Variants in RSU1 observed in about 807,000 individuals in gnomAD.
RSU1 encodes the protein Ras suppressor protein 1.
In RSU1, 26 loss-of-function variants were observed where a neutral mutation model predicts 31.1. That is an observed-to-expected ratio of 0.84 (90% CI 0.61 to 1.16). The LOEUF is 1.16. Ranked by LOEUF, RSU1 falls within the 50% of genes most tolerant of loss-of-function variation. RSU1 has a pLI of 0.00. For synonymous variants in RSU1, 164 were observed against 136.3 expected (o/e 1.20, Z -1.41); for missense variants, 320 against 339.1 (o/e 0.94, Z 0.44).
At chr10:16,655,730 C>T (rs1411477515) in intron 8 of RSU1, among the ~76,000 whole-genome samples, 1 of 152,170 alleles carries the variant, frequency 6.6e-6, no homozygotes, top group African/African-American at 2.4e-5. Context: ...ATTTTTCCAA[C>T]AGTAGGTGTT....
chr10:16,815,337 A>G (rs1277153958), intron 2 of RSU1, among the ~76,000 whole-genome samples: 1 of 152,168 alleles, frequency 6.6e-6, no homozygotes, highest in Non-Finnish European at 1.5e-5. Context: ...CTGCCAAGAC[A>G]TATCAATAGC....
At chr10:16,631,801 G>C (rs1158419031) in intron 8 of RSU1, among the ~76,000 whole-genome samples, 1 of 152,144 alleles carries the variant, frequency 6.6e-6, no homozygotes. Flanking sequence ...CACACCTCTT[G>C]TTCCCATTCT....
At chr10:16,676,694 C>T (rs761430897) in intron 8 of RSU1, among the ~76,000 whole-genome samples, 5 of 152,168 alleles carry the variant, frequency 3.3e-5, no homozygotes, top group African/African-American at 9.7e-5. Flanking sequence ...TTGAGTGTCA[C>T]GTCAGCACTC....
chr10:16,759,156 T>C (rs529426776), intron 4 of RSU1, among the ~76,000 whole-genome samples: 1 of 152,204 alleles, frequency 6.6e-6, no homozygotes, highest in African/African-American at 2.4e-5. Flanking sequence ...AAGGCACTAA[T>C]TTTTCTCACC....
chr10:16,640,559 T>C (rs961679933), intron 8 of RSU1, among the ~76,000 whole-genome samples: 1 of 152,236 alleles, frequency 6.6e-6, no homozygotes, highest in African/African-American at 2.4e-5. Flanking sequence ...AGCCCCTGCT[T>C]GCATTCTGAC....
chr10:16,798,465 T>C (rs971680743), intron 2 of RSU1, among the ~76,000 whole-genome samples: 1 of 152,062 alleles, frequency 6.6e-6, no homozygotes, highest in African/African-American at 2.4e-5. Flanking sequence ...GTTCCCCCGA[T>C]AGTGAGTTCT....
chr10:16,643,432 T>G (rs1198303246), intron 8 of RSU1, among the ~76,000 whole-genome samples: 2 of 152,210 alleles, frequency 1.3e-5, no homozygotes, highest in Non-Finnish European at 2.9e-5. Flanking sequence ...TTATTTATAA[T>G]AATGAATGCA....
At chr10:16,635,343 CT>C (rs778890258) in intron 8 of RSU1, among the ~76,000 whole-genome samples, 12 of 152,112 alleles carry the variant, frequency 7.9e-5, no homozygotes, top group Non-Finnish European at 1.3e-4. Flanking sequence ...ATATCCTTTC[CT>C]CTCTCTGCAA....
rs80062827 is a variant in RSU1 at position 16,657,052 on chromosome 10, A to G, written c.731+37971T>C. Among the ~76,000 whole-genome samples the G allele has an allele frequency of 3.6e-3, 547 of 152,290 alleles. 5 individuals carry two copies. In the Middle Eastern group the frequency reaches 0.041, roughly 11 times the overall value. ...AAAACTGGTTCTTTATTCCGCAGAG[A>G]TTTTCCTGTCAGTGTAACAAGCTGA... On this transcript the variant is annotated intron_variant, in intron 8 of 8. Coordinates refer to ENST00000345264, the MANE Select transcript of RSU1 (RefSeq NM_012425.4).
chr10:16,665,668 T>TA (rs1834975481), intron 8 of RSU1, among the ~76,000 whole-genome samples: 1 of 152,178 alleles, frequency 6.6e-6, no homozygotes, highest in African/African-American at 2.4e-5. Flanking sequence ...ATTTATTCCT[T>TA]AAAAAAACTG....
intron 7 of RSU1, among the ~76,000 whole-genome samples, chr10:16,715,667 A>G (rs1199790461): frequency 1.3e-5 from 2 of 152,220 alleles, no homozygotes; most frequent in African/African-American, 2.4e-5. Flanking sequence ...TGGTCAATAT[A>G]TCTGCCTTTA....
At chr10:16,815,134 C>G (rs812426) in intron 2 of RSU1, among the ~76,000 whole-genome samples, 91,807 of 152,136 alleles carry the variant, frequency 0.6, 29,402 homozygotes, top group African/African-American at 0.82. Context: ...GCCGGGCAGG[C>G]GCAGCAAGGG....
chr10:16,726,455 C>A (rs146475739), intron 7 of RSU1, among the ~76,000 whole-genome samples: 1 of 151,770 alleles, frequency 6.6e-6, no homozygotes, highest in Non-Finnish European at 1.5e-5. Flanking sequence ...TTAGTAGAGA[C>A]GGGGTTTTAC....
chr10:16,764,330 T>A lies in RSU1; in HGVS notation c.281+60A>T. On this transcript the variant is annotated intron_variant, in intron 4 of 8. Transcript: ENST00000345264. ...ATAAAAGGAATCCCTCCCCTGGCCT[T>A]ACCCGGCATGCCCCTTCCACTCTCT... The A allele has an allele frequency of 2.0e-6, 3 of 1,505,354 alleles. No homozygotes were observed. In the East Asian group the frequency reaches 7.1e-5, roughly 36 times the overall value. The allele number at this position is 1,505,354 out of a possible 1,614,324, so 93.2% of individuals were successfully genotyped here.
chr10:16,596,274 G>A (rs572916363), intron 8 of RSU1, among the ~76,000 whole-genome samples: 65 of 152,302 alleles, frequency 4.3e-4, no homozygotes, highest in African/African-American at 1.2e-3. Context: ...GGACCACCCT[G>A]CATTAGCCAT....
chr10:16,723,513 G>C (rs759595341), intron 7 of RSU1, among the ~76,000 whole-genome samples: 2 of 152,172 alleles, frequency 1.3e-5, no homozygotes, highest in Non-Finnish European at 2.9e-5. Flanking sequence ...GATGCTTTTT[G>C]ATGATGAATG....
intron 8 of RSU1, among the ~76,000 whole-genome samples, chr10:16,641,349 G>T (rs908259831): frequency 6.6e-6 from 1 of 151,988 alleles, no homozygotes; most frequent in Admixed American, 6.6e-5. Context: ...AAAATTAACC[G>T]GGCGTGGTGA....
At chr10:16,637,746 T>C (rs1327254238) in intron 8 of RSU1, among the ~76,000 whole-genome samples, 1 of 151,354 alleles carries the variant, frequency 6.6e-6, no homozygotes, top group South Asian at 2.1e-4. Flanking sequence ...ACATGACTAG[T>C]AAAGCCACTT....
rs553371681 is a variant in RSU1, at chr10:16,686,255, G to C, written c.731+8768C>G. Among the ~76,000 whole-genome samples the C allele has an allele frequency of 2.6e-5, 4 of 152,276 alleles. No individual in the cohort carries two copies. The East Asian group carries it at 7.7e-4, about 29-fold the overall frequency. On this transcript the variant is annotated intron_variant, in intron 8 of 8. Coordinates refer to ENST00000345264, the MANE Select transcript of RSU1 (RefSeq NM_012425.4). ...TTAGAAACCACAAACAGTTTTGTTTGATTATAAAAGCGCCACTTTTAAATT... is the reference window on the plus strand; with the variant it reads ...TTAGAAACCACAAACAGTTTTGTTTCATTATAAAAGCGCCACTTTTAAATT...
Sources: gnomAD v4.1 joint callset for allele counts (sites outside exome capture counted in the v4.1 genomes callset) on GRCh38, gnomAD v4.1.1 for gene constraint, MANE v1.5 for transcripts, NCBI Gene and HGNC (gene_info 2026-07-23, HGNC 2026-07-21) for gene names.